The following TUBB8B variants were observed in gnomAD, a reference collection of about 807,000 sequenced individuals.
TUBB8B encodes the protein tubulin beta 8B.
In TUBB8B, 26 loss-of-function variants were observed where a neutral mutation model predicts 31.9. The observed-to-expected ratio is 0.81, with a 90% CI of 0.60 to 1.13. The LOEUF (loss-of-function observed/expected upper bound fraction) is 1.13. Ranked by LOEUF, TUBB8B falls within the 50% of genes most tolerant of loss-of-function variation. The probability of loss-of-function intolerance (pLI) is 0.00; values close to 1 mark genes in which losing one functional copy is unlikely to be tolerated. For missense variants in TUBB8B, 467 were observed against 586.7 expected, an observed-to-expected ratio of 0.80 and a Z score of 2.11; for synonymous variants, 173 against 231.0, an observed-to-expected ratio of 0.75 and a Z score of 2.28.
At chr18:61,836 T>C in the TUBB8B span, among the ~76,000 whole-genome samples, 3 of 151,880 alleles carry the variant, frequency 2.0e-5, no homozygotes, top group Non-Finnish European at 2.9e-5. Flanking sequence ...AGTTATTTTT[T>C]ATTGGCTTAT....
At chr18:49,344 G>A (rs1409277728) in intron 1 of TUBB8B, 107 bp from the exon 2 acceptor site, 2 of 907,942 alleles carry the variant, frequency 2.2e-6, no homozygotes, top group Non-Finnish European at 3.3e-6. Flanking sequence ...CCCTGTCCCT[G>A]GGGTCCACCC....
the TUBB8B span, among the ~76,000 whole-genome samples, chr18:65,863 C>T: frequency 0.18 from 26,952 of 152,090 alleles, 2,795 homozygotes; most frequent in African/African-American, 0.28. Flanking sequence ...AATTACAACA[C>T]AAAATGTCGA....
At chr18:59,309 G>A in the TUBB8B span, among the ~76,000 whole-genome samples, 1 of 151,534 alleles carries the variant, frequency 6.6e-6, no homozygotes, top group Non-Finnish European at 1.5e-5. Context: ...GAATTATGTT[G>A]AATTACAGCG....
chr18:72,177 C>CAAAAAAAAAA, the TUBB8B span, among the ~76,000 whole-genome samples: 68 of 78,734 alleles, frequency 8.6e-4, no homozygotes, highest in Non-Finnish European at 1.4e-3. Flanking sequence ...GACTCCATCT[C>CAAAAAAAAAA]AAAAAAAAAA....
chr18:55,659 C>A, the TUBB8B span, among the ~76,000 whole-genome samples: 3 of 151,718 alleles, frequency 2.0e-5, no homozygotes, highest in African/African-American at 7.3e-5. Flanking sequence ...CAAGTCTCTC[C>A]CTCAATACCT....
chr18:49,152 T>C lies in TUBB8B; in HGVS notation c.143A>G (p.Asn48Ser), dbSNP rs1344936967. 6.5e-7 allele frequency: 1 copy of C among 1,534,330 alleles called. No homozygotes were observed. The highest frequency in any genetic ancestry group is 8.8e-7 in the Non-Finnish European group (1 of 1,139,934). ...ACCGCTGGCCTCGTGGTGGTGCACGTTGATGCGCTCCAGCTGCAGGTGGCT... is the reference window on the plus strand; with the variant it reads ...ACCGCTGGCCTCGTGGTGGTGCACGCTGATGCGCTCCAGCTGCAGGTGGCT... ...GDSHLQLERI[N>S]VHHHEASGGR... The change falls in exon 2 of 4, where the codon AAC becomes AGC. Residue 48 changes from asparagine (N) to serine (S), a missense_variant. By Grantham distance (46) the Asn-to-Ser change is conservative. This residue lies in a region of TUBB8B where 259 missense variants were observed against 380.1 expected (regional missense o/e 0.68). Coordinates refer to ENST00000308911, the MANE Select transcript of TUBB8B (RefSeq NM_001358689.2).
At chr18:58,993 C>A in the TUBB8B span, among the ~76,000 whole-genome samples, 1 of 151,646 alleles carries the variant, frequency 6.6e-6, no homozygotes, top group Non-Finnish European at 1.5e-5. Flanking sequence ...CAAGTTGTTA[C>A]ACACTTTTAA....
rs1270950032 is a variant in TUBB8B at position 48,023 on chromosome 18, A to T, written c.702T>A (p.Ser234Arg). ...GGAAGCGCAGGCATGTGGTGACCCC[A>T]CTCATGGTAGCAGACACCAGGTGGT... ...DLNHLVSATM[S>R]GVTTCLRFPG... is the part of the protein sequence containing the mutation. Residue 234 changes from serine (S) to arginine (R), a missense_variant, in exon 4 of 4, where the codon AGT becomes AGA. By Grantham distance (110) the Ser-to-Arg change is moderately radical. Around this residue, in one of 2 missense-constraint regions of TUBB8B, gnomAD observed 259 missense variants for 380.1 expected, o/e 0.68. Coordinates refer to ENST00000308911, the MANE Select transcript of TUBB8B (RefSeq NM_001358689.2). The T allele has an allele frequency of 5.0e-6, 8 of 1,612,558 alleles. No individual in the cohort carries two copies. The highest frequency in any genetic ancestry group is 6.8e-6 in the Non-Finnish European group (8 of 1,179,852).
At chr18:65,155 G>C in the TUBB8B span, among the ~76,000 whole-genome samples, 1 of 151,956 alleles carries the variant, frequency 6.6e-6, no homozygotes, top group African/African-American at 2.4e-5. Context: ...ACAAAAATTA[G>C]CCAGGTGTGG....
At chr18:72,189 A>C in the TUBB8B span, among the ~76,000 whole-genome samples, 4 of 133,036 alleles carry the variant, frequency 3.0e-5, no homozygotes, top group African/African-American at 9.0e-5. Flanking sequence ...AAAAAAAAAA[A>C]AAAAAAAAAA....
the TUBB8B span, among the ~76,000 whole-genome samples, chr18:70,939 CA>C: frequency 7.6e-3 from 991 of 129,604 alleles, 7 homozygotes; most frequent in African/African-American, 0.025. Context: ...AAATCTGTCT[CA>C]AAAAAAAAAA....
At chr18:63,672 C>A in the TUBB8B span, among the ~76,000 whole-genome samples, 1 of 147,124 alleles carries the variant, frequency 6.8e-6, no homozygotes, top group Non-Finnish European at 1.5e-5. Context: ...AGCCTTAGCC[C>A]TAACCCTAAC....
the TUBB8B span, among the ~76,000 whole-genome samples, chr18:61,261 A>G: frequency 6.6e-6 from 1 of 151,516 alleles, no homozygotes; most frequent in South Asian, 2.1e-4. Flanking sequence ...GGTATAAGTA[A>G]AGCTATTTCT....
In TUBB8B at chr18:48,509, A is replaced by G. The variant is rs1400414205; in HGVS notation, c.278-62T>C. The G allele has an allele frequency of 2.0e-5, 21 of 1,060,822 alleles. No individual in the cohort carries two copies. The Middle Eastern group carries it at 7.9e-4, about 40-fold the overall frequency. 65.7% of individuals were successfully genotyped at this position (1,060,822 alleles called of 1,614,324 possible). A position where few individuals can be genotyped will look rare whatever the true frequency, so the allele number is the denominator to read the frequency against. ...TATACGGTCATCAGTGGTCACCACC[A>G]TAATGCAGAAAGGGCCAAGTGTCAC... On this transcript the variant is annotated intron_variant, in intron 3 of 3. Coordinates refer to ENST00000308911, the MANE Select transcript of TUBB8B (RefSeq NM_001358689.2).
At chr18:53,328 C>A (rs1276985559), upstream of TUBB8B, among the ~76,000 whole-genome samples, 5 of 151,668 alleles carry the variant, frequency 3.3e-5, no homozygotes, top group African/African-American at 1.2e-4. Context: ...ACCATAATGG[C>A]AGAAAAGAGT....
chr18:67,185 C>T, the TUBB8B span, among the ~76,000 whole-genome samples: 58 of 152,014 alleles, frequency 3.8e-4, no homozygotes, highest in Admixed American at 3.3e-3. Flanking sequence ...TTAGTACAGA[C>T]GGGGTTTCAC....
At position 48,363 on chromosome 18, in the gene TUBB8B, C is replaced by T. The variant is rs1905828037; in HGVS notation, c.362G>A (p.Arg121Lys). The T allele has an allele frequency of 3.1e-6, 5 of 1,612,126 alleles. No homozygotes were observed. In the East Asian group the frequency reaches 1.1e-4, roughly 36 times the overall value. ...GCAGTCACAGCTCTCAGCCTCCTTT[C>T]TGACAACGTCCATCACTGACTCCGT... is the stretch of plus-strand genomic sequence containing the variant. ...ELTESVMDVVRKEAESCDCLQ... is the reference protein window; with the variant it reads ...ELTESVMDVVKKEAESCDCLQ... Residue 121 changes from arginine to lysine, a missense_variant, in exon 4 of 4, where the codon AGA (arginine) becomes AAA (lysine). Physicochemically the swap from Arg to Lys is conservative, Grantham distance 26. This residue lies in a region of TUBB8B where 259 missense variants were observed against 380.1 expected (regional missense o/e 0.68). Coordinates refer to ENST00000308911, the MANE Select transcript of TUBB8B (RefSeq NM_001358689.2).
At chr18:56,207 T>A in the TUBB8B span, among the ~76,000 whole-genome samples, 1 of 151,872 alleles carries the variant, frequency 6.6e-6, no homozygotes, top group South Asian at 2.1e-4. Context: ...TATTCTAGTG[T>A]CATGCTGTTT....
At position 47,838 on chromosome 18, in the gene TUBB8B, G is replaced by C. The variant is rs1322617631; in HGVS notation, c.887C>G (p.Ala296Gly). The C allele has an allele frequency of 6.2e-7, 1 of 1,611,412 alleles. No individual in the cohort carries two copies. Among genetic ancestry groups the C allele is most frequent in the Non-Finnish European group, 8.5e-7 (1 of 1,179,544 alleles). Residue 296 changes from alanine (A) to glycine (G), a missense_variant, in exon 4 of 4, where the codon GCT (alanine) becomes GGT (glycine). Physicochemically the swap from Ala to Gly is moderately conservative, Grantham distance 60. This residue lies in a region of TUBB8B where 208 missense variants were observed against 206.7 expected (regional missense o/e 1.01). Transcript: ENST00000308911. ...GTCACAGGCAGCCATCATGTTCTTAGCATCAAACATCTGCTGGGTGAGCTC... is the reference window on the plus strand; with the variant it reads ...GTCACAGGCAGCCATCATGTTCTTACCATCAAACATCTGCTGGGTGAGCTC... ...VAELTQQMFD[A>G]KNMMAACDPR...
Sources: allele counts gnomAD v4.1 joint callset (sites outside exome capture counted in the v4.1 genomes callset), GRCh38; gene constraint gnomAD v4.1.1; regional missense constraint gnomAD v4.1.1; transcripts MANE v1.5; gene names NCBI Gene and HGNC (gene_info 2026-07-23, HGNC 2026-07-21).